The following PSTPIP2 variants were observed in gnomAD, a reference collection of about 807,000 sequenced individuals.
PSTPIP2 encodes the protein proline-serine-threonine phosphatase-interacting protein 2.
Under a neutral mutation model 63.3 loss-of-function variants are expected in PSTPIP2, and 33 were observed. That is an observed-to-expected ratio of 0.52 (90% CI 0.40 to 0.70). The LOEUF is 0.70. Ranked by LOEUF, PSTPIP2 falls within the 30% of genes least tolerant of loss-of-function variation. The probability of loss-of-function intolerance (pLI) is 0.00; values close to 1 mark genes in which losing one functional copy is unlikely to be tolerated. For synonymous variants in PSTPIP2, 125 were observed against 132.7 expected (o/e 0.94, Z 0.40); for missense variants, 312 against 400.7 (o/e 0.78, Z 1.89).
chr18:46,031,676 C>A (rs1907790780), intron 2 of PSTPIP2, among the ~76,000 whole-genome samples: 1 of 152,018 alleles, frequency 6.6e-6, no homozygotes, highest in Non-Finnish European at 1.5e-5. Flanking sequence ...ATATAATATA[C>A]AGGCATTTTA....
At chr18:46,063,552 T>C (rs937870075) in intron 1 of PSTPIP2, among the ~76,000 whole-genome samples, 4 of 152,032 alleles carry the variant, frequency 2.6e-5, no homozygotes, top group African/African-American at 9.7e-5. Flanking sequence ...TGCAAAAGCT[T>C]GAGGGCCTGA....
At chr18:46,022,064 G>T (rs529111387) in intron 3 of PSTPIP2, among the ~76,000 whole-genome samples, 5 of 147,854 alleles carry the variant, frequency 3.4e-5, no homozygotes, top group Non-Finnish European at 5.9e-5. Flanking sequence ...TATTATGTTC[G>T]TTTTTTTACT....
Position 46,068,189 on chromosome 18 carries a change from A to T in PSTPIP2, c.33+3967T>A, listed in dbSNP as rs1165959688. ...ATTTACATAGCATTAACATTATATT[A>T]GGTATTATAAGCAATCTGGAGAATA... On this transcript the variant is annotated intron_variant, in intron 1 of 14. Coordinates refer to ENST00000409746, the MANE Select transcript of PSTPIP2 (RefSeq NM_024430.4). Among the ~76,000 whole-genome samples, 5 of 152,214 alleles carry T rather than the reference A, an allele frequency of 3.3e-5. 1 individual carries two copies. Among genetic ancestry groups the T allele is most frequent in the Admixed American group, 3.3e-4 (5 of 15,276 alleles).
At chr18:46,061,247 T>TGAGCCAAGATTGCACC (rs1200692848) in intron 1 of PSTPIP2, among the ~76,000 whole-genome samples, 1 of 150,442 alleles carries the variant, frequency 6.6e-6, no homozygotes, top group East Asian at 2.0e-4. Context: ...GAGGTTGCAC[T>TGAGCCAAGATTGCACC]GAGCCAAGAT....
rs1789413 is a variant in PSTPIP2, at chr18:46,006,680, T to C, written c.355-1149A>G. On this transcript the variant is annotated intron_variant, in intron 5 of 14. Coordinates refer to ENST00000409746, the MANE Select transcript of PSTPIP2 (RefSeq NM_024430.4). Reference sequence around the variant, plus strand: ...TGAGCCACCGCGCCCGGCCTCCCTGTTACTTTTTATACCCCATCCAAGTGA... The same window carrying C: ...TGAGCCACCGCGCCCGGCCTCCCTGCTACTTTTTATACCCCATCCAAGTGA... 5.3e-3 allele frequency among the ~76,000 whole-genome samples: 801 copies of C among 152,232 alleles called. 7 individuals are homozygous for C. Among genetic ancestry groups the C allele is most frequent in the Middle Eastern group, 0.014 (4 of 294 alleles).
chr18:45,997,120 G>A (rs1355967807), intron 9 of PSTPIP2, among the ~76,000 whole-genome samples: 3 of 152,170 alleles, frequency 2.0e-5, no homozygotes, highest in Non-Finnish European at 4.4e-5. Context: ...TGGGGATGAG[G>A]CAGACAAGGT....
At chr18:46,023,591 A>G (rs1377986408) in intron 3 of PSTPIP2, among the ~76,000 whole-genome samples, 1 of 152,092 alleles carries the variant, frequency 6.6e-6, no homozygotes, top group African/African-American at 2.4e-5. Context: ...ATGGTGCAAA[A>G]TCTCCTATAG....
chr18:46,033,984 A>G (rs1907876573), intron 2 of PSTPIP2, among the ~76,000 whole-genome samples: 1 of 152,178 alleles, frequency 6.6e-6, no homozygotes, highest in Non-Finnish European at 1.5e-5. Context: ...AACAGTCCTA[A>G]AAAACTAATA....
At chr18:46,053,905 T>A (rs1908664123) in intron 1 of PSTPIP2, among the ~76,000 whole-genome samples, 1 of 152,188 alleles carries the variant, frequency 6.6e-6, no homozygotes, top group Admixed American at 6.5e-5. Flanking sequence ...CAATCATATG[T>A]CACTCAACAA....
chr18:46,028,882 T>G, intron 2 of PSTPIP2: 1 of 1,583,530 alleles, frequency 6.3e-7, no homozygotes. Flanking sequence ...GAATTTCATA[T>G]CCACATCAAC....
intron 2 of PSTPIP2, among the ~76,000 whole-genome samples, chr18:46,037,647 C>T (rs143777280): frequency 2.2e-3 from 338 of 152,284 alleles, no homozygotes; most frequent in African/African-American, 7.7e-3. Context: ...GAACAAGACA[C>T]ATTGGAGGAA....
chr18:45,988,421 C>T (rs1031769637), intron 14 of PSTPIP2, among the ~76,000 whole-genome samples: 4 of 109,064 alleles, frequency 3.7e-5, no homozygotes, highest in African/African-American at 4.2e-5. Context: ...GGTGACACAG[C>T]GAGACTCTGC....
At chr18:46,039,868 G>T (rs980204626) in intron 2 of PSTPIP2, 79 bp downstream of exon 2, 2 of 1,267,968 alleles carry the variant, frequency 1.6e-6, no homozygotes, top group Admixed American at 1.7e-5. Context: ...AAACACAAAT[G>T]AAAAAAAGGA....
rs906055431 is a variant in PSTPIP2 at position 46,016,149 on chromosome 18, G to C, written c.213-212C>G. The C allele has an allele frequency of 8.9e-6, 5 of 560,336 alleles. No individual in the cohort carries two copies. In the African/African-American group the frequency reaches 9.4e-5, roughly 11 times the overall value. The allele number at this position is 560,336 out of a possible 1,614,324, so 34.7% of individuals were successfully genotyped here. A position where few individuals can be genotyped will look rare whatever the true frequency, so the allele number is the denominator to read the frequency against. ...ACAAGAAATTCTTCACTGTTCATTTGGGGAGAGCAACATGCCAAAACTCTT... is the reference window on the plus strand; with the variant it reads ...ACAAGAAATTCTTCACTGTTCATTTCGGGAGAGCAACATGCCAAAACTCTT... On this transcript the variant is annotated intron_variant, in intron 3 of 14. Coordinates refer to ENST00000409746, the MANE Select transcript of PSTPIP2 (RefSeq NM_024430.4).
intron 3 of PSTPIP2, among the ~76,000 whole-genome samples, chr18:46,023,513 C>T (rs544564774): frequency 2.0e-5 from 3 of 152,114 alleles, no homozygotes; most frequent in Non-Finnish European, 4.4e-5. Context: ...CAGCCAAGAT[C>T]GCGCCATTGC....
At chr18:46,070,557 A>G (rs895303611) in intron 1 of PSTPIP2, among the ~76,000 whole-genome samples, 2 of 152,230 alleles carry the variant, frequency 1.3e-5, no homozygotes, top group Non-Finnish European at 2.9e-5. Flanking sequence ...TCTGTCGTCC[A>G]GGCTGGAGTG....
At chr18:46,002,529 T>C (rs1354796947) in intron 6 of PSTPIP2, among the ~76,000 whole-genome samples, 2 of 152,208 alleles carry the variant, frequency 1.3e-5, no homozygotes, top group Non-Finnish European at 2.9e-5. Flanking sequence ...TAAGCCCACA[T>C]ATTGGGTTTT....
intron 6 of PSTPIP2, among the ~76,000 whole-genome samples, chr18:46,002,467 A>G (rs1374907042): frequency 6.6e-6 from 1 of 152,102 alleles, no homozygotes; most frequent in Non-Finnish European, 1.5e-5. Flanking sequence ...AATTTATATT[A>G]TTCTGTCTTC....
At chr18:46,050,846 A>G (rs944025083) in intron 1 of PSTPIP2, among the ~76,000 whole-genome samples, 4 of 151,734 alleles carry the variant, frequency 2.6e-5, no homozygotes, top group Admixed American at 1.3e-4. Context: ...GACAATCTCT[A>G]TCTCTGAACT....
Sources: allele counts gnomAD v4.1 joint callset (sites outside exome capture counted in the v4.1 genomes callset), GRCh38; gene constraint gnomAD v4.1.1; transcripts MANE v1.5; gene names NCBI Gene and HGNC (gene_info 2026-07-23, HGNC 2026-07-21).